The following GRID1 variants were observed in gnomAD, a reference collection of about 807,000 sequenced individuals.
The protein encoded by GRID1 is glutamate receptor ionotropic, delta-1.
In GRID1, 28 loss-of-function variants were observed where a neutral mutation model predicts 98.0. The ratio of observed to expected loss-of-function variants is 0.29; its 90% CI spans 0.21 to 0.39. The LOEUF (loss-of-function observed/expected upper bound fraction) is 0.39. GRID1 is among the 10% of genes least tolerant of loss of function. The pLI, the probability that GRID1 is intolerant of heterozygous loss-of-function variation, is 1.00. For missense variants in GRID1, 1,111 were observed against 1,340.5 expected (o/e 0.83, Z 2.67); for synonymous variants, 553 against 538.5 (o/e 1.03, Z -0.37).
At chr10:85,688,920 G>C (rs562638032) in intron 12 of GRID1, among the ~76,000 whole-genome samples, 1 of 152,228 alleles carries the variant, frequency 6.6e-6, no homozygotes, top group South Asian at 2.1e-4. Context: ...AGCAGGATGT[G>C]TAAGCCTGGA....
intron 3 of GRID1, among the ~76,000 whole-genome samples, chr10:86,166,518 A>G (rs1845401167): frequency 6.6e-6 from 1 of 152,216 alleles, no homozygotes; most frequent in Admixed American, 6.5e-5. Context: ...CCTAGTCCTC[A>G]GGAGAACTTG....
intron 3 of GRID1, among the ~76,000 whole-genome samples, chr10:86,166,237 A>G (rs967804034): frequency 2.0e-5 from 3 of 152,224 alleles, no homozygotes; most frequent in Non-Finnish European, 4.4e-5. Flanking sequence ...TACATTAGGT[A>G]TATCTACGAT....
intron 4 of GRID1, among the ~76,000 whole-genome samples, chr10:86,067,411 C>T (rs1843736837): frequency 6.6e-6 from 1 of 152,320 alleles, no homozygotes; most frequent in African/African-American, 2.4e-5. Flanking sequence ...CACCAAGGGA[C>T]TGCGTAAGTA....
chr10:85,675,808 A>G (rs913906858), intron 12 of GRID1, among the ~76,000 whole-genome samples: 5 of 152,196 alleles, frequency 3.3e-5, no homozygotes, highest in African/African-American at 1.2e-4. Context: ...GGTGTTCATG[A>G]GAAGGACAGG....
chr10:86,266,927 A>G (rs1042795709), intron 2 of GRID1, among the ~76,000 whole-genome samples: 4 of 151,738 alleles, frequency 2.6e-5, no homozygotes, highest in African/African-American at 9.7e-5. Flanking sequence ...GCCAAGGAGG[A>G]CTCTTCCCCT....
intron 4 of GRID1, among the ~76,000 whole-genome samples, chr10:86,077,042 C>T (rs577970547): frequency 1.5e-5 from 2 of 137,394 alleles, no homozygotes; most frequent in East Asian, 4.0e-4. Flanking sequence ...AGAACTCTGG[C>T]ATATGAATTT....
At chr10:86,139,430 G>A (rs774744704) in intron 3 of GRID1, among the ~76,000 whole-genome samples, 10 of 152,148 alleles carry the variant, frequency 6.6e-5, no homozygotes, top group Admixed American at 3.3e-4. Flanking sequence ...GAGGCTCCTA[G>A]ACCAACCATG....
intron 8 of GRID1, among the ~76,000 whole-genome samples, chr10:85,833,129 A>C (rs1842883503): frequency 6.6e-6 from 1 of 152,126 alleles, no homozygotes; most frequent in Non-Finnish European, 1.5e-5. Flanking sequence ...CTTCATCCCT[A>C]TAGGCTGGAA....
At chr10:86,247,791 C>A (rs2132046720) in intron 2 of GRID1, among the ~76,000 whole-genome samples, 1 of 152,234 alleles carries the variant, frequency 6.6e-6, no homozygotes, top group East Asian at 1.9e-4. Context: ...GAGCACCCAG[C>A]CATGAACTAG....
rs558278598 is a variant in GRID1 at position 85,870,660 on chromosome 10, G to A, written c.781-1480C>T. Reference sequence around the variant, plus strand: ...GTGCTGTGGAAGGAAGGTGGAGGGAGCTGCCAATAGCTCCCTGTTCCAGGT... The same window carrying A: ...GTGCTGTGGAAGGAAGGTGGAGGGAACTGCCAATAGCTCCCTGTTCCAGGT... On this transcript the variant is annotated intron_variant, in intron 5 of 15. Coordinates refer to ENST00000327946, the MANE Select transcript of GRID1 (RefSeq NM_017551.3). Among the ~76,000 whole-genome samples the A allele has an allele frequency of 3.7e-4, 56 of 152,312 alleles. 2 individuals are homozygous for A. In the East Asian group the frequency reaches 5.0e-3, roughly 14 times the overall value.
chr10:85,958,969 A>AAAAG (rs1020855090), intron 4 of GRID1, among the ~76,000 whole-genome samples: 86 of 151,172 alleles, frequency 5.7e-4, no homozygotes, highest in Middle Eastern at 3.4e-3. Context: ...AAAAAAAAAA[A>AAAAG]AAAGAAAGAA....
intron 3 of GRID1, among the ~76,000 whole-genome samples, chr10:86,140,612 C>CTG (rs1844997813): frequency 6.6e-6 from 1 of 152,188 alleles, no homozygotes; most frequent in Admixed American, 6.5e-5. Flanking sequence ...AATGAGGGTG[C>CTG]TGGGGGCTGT....
At chr10:85,994,375 C>T (rs1842716088) in intron 4 of GRID1, among the ~76,000 whole-genome samples, 1 of 152,166 alleles carries the variant, frequency 6.6e-6, no homozygotes, top group Non-Finnish European at 1.5e-5. Context: ...GGCATCAGGC[C>T]AACTTGAGAT....
chr10:86,217,790 C>A (rs946353685), intron 2 of GRID1, among the ~76,000 whole-genome samples: 2 of 152,100 alleles, frequency 1.3e-5, no homozygotes, highest in Non-Finnish European at 2.9e-5. Context: ...GGCCTTTGGG[C>A]CAGCTGGTCT....
At chr10:85,958,302 G>A (rs1030901723) in intron 4 of GRID1, among the ~76,000 whole-genome samples, 1 of 152,190 alleles carries the variant, frequency 6.6e-6, no homozygotes, top group Non-Finnish European at 1.5e-5. Flanking sequence ...TCACCCACAG[G>A]TGCCCTGCTA....
chr10:85,672,917 T>C (rs958475478), intron 12 of GRID1, among the ~76,000 whole-genome samples: 2 of 152,202 alleles, frequency 1.3e-5, no homozygotes, highest in Non-Finnish European at 2.9e-5. Flanking sequence ...GTAGCTGCCA[T>C]AGATAGTGAT....
intron 4 of GRID1, among the ~76,000 whole-genome samples, chr10:85,953,621 T>C (rs1294267994): frequency 6.6e-6 from 1 of 152,210 alleles, no homozygotes; most frequent in Non-Finnish European, 1.5e-5. Context: ...CTCTATAATA[T>C]TCCTGGCCTC....
At chr10:85,667,395 TA>T (rs1009816849) in intron 12 of GRID1, among the ~76,000 whole-genome samples, 9 of 151,344 alleles carry the variant, frequency 5.9e-5, no homozygotes, top group African/African-American at 1.9e-4. Context: ...TAGGCTGTTT[TA>T]AAAAAAAAGA....
chr10:85,816,117 A>G (rs1842714001), intron 8 of GRID1, among the ~76,000 whole-genome samples: 2 of 152,286 alleles, frequency 1.3e-5, no homozygotes, highest in South Asian at 4.1e-4. Context: ...AAAGTTTGGC[A>G]GTTTCTTATG....
Sources: allele counts gnomAD v4.1 joint callset (sites outside exome capture counted in the v4.1 genomes callset), GRCh38; gene constraint gnomAD v4.1.1; transcripts MANE v1.5; gene names NCBI Gene and HGNC (gene_info 2026-07-23, HGNC 2026-07-21).